Variants in AUTS2 observed in about 807,000 individuals in gnomAD.
AUTS2 encodes autism susceptibility gene 2 protein.
Under a neutral mutation model 112.4 loss-of-function variants are expected in AUTS2, and 17 were observed. That is an observed-to-expected ratio of 0.15 (90% CI 0.10 to 0.23). The LOEUF (loss-of-function observed/expected upper bound fraction) is 0.23. AUTS2 is among the 10% of genes least tolerant of loss of function. The pLI, the probability that AUTS2 is intolerant of heterozygous loss-of-function variation, is 1.00. For missense variants in AUTS2, 1,510 were observed against 1,701.6 expected, an observed-to-expected ratio of 0.89 and a Z score of 1.98; for synonymous variants, 751 against 702.7, an observed-to-expected ratio of 1.07 and a Z score of -1.09.
intron 1 of AUTS2, among the ~76,000 whole-genome samples, chr7:69,809,448 G>A (rs1043848198): frequency 1.3e-5 from 2 of 152,142 alleles, no homozygotes; most frequent in Non-Finnish European, 2.9e-5. Context: ...TGCCTACAAG[G>A]AATGCAATTG....
chr7:70,187,420 G>C (rs1809661114), intron 4 of AUTS2, among the ~76,000 whole-genome samples: 1 of 152,034 alleles, frequency 6.6e-6, no homozygotes, highest in Non-Finnish European at 1.5e-5. Context: ...CATTCATGCT[G>C]GCCTCTGGGT....
chr7:69,875,245 G>T (rs1373277893), intron 1 of AUTS2, among the ~76,000 whole-genome samples: 2 of 152,040 alleles, frequency 1.3e-5, no homozygotes, highest in Admixed American at 1.3e-4. Context: ...TTAAATACTG[G>T]ATGCTCAGTC....
chr7:69,933,401 T>A (rs1796294024), intron 2 of AUTS2, among the ~76,000 whole-genome samples: 1 of 152,184 alleles, frequency 6.6e-6, no homozygotes, highest in Admixed American at 6.5e-5. Flanking sequence ...ACAAAGTAAG[T>A]TTTGGAACCT....
chr7:69,738,710 A>G (rs1012043384), intron 1 of AUTS2, among the ~76,000 whole-genome samples: 1 of 152,104 alleles, frequency 6.6e-6, no homozygotes, highest in African/African-American at 2.4e-5. Context: ...ATACATGCTT[A>G]TTGGTTTGTG....
intron 4 of AUTS2, among the ~76,000 whole-genome samples, chr7:70,375,840 C>T (rs764964523): frequency 5.3e-5 from 8 of 151,994 alleles, no homozygotes; most frequent in African/African-American, 1.9e-4. Context: ...GTCTTTCTGC[C>T]AAGCTTCTAC....
intron 4 of AUTS2, among the ~76,000 whole-genome samples, chr7:70,307,172 C>T (rs920544501): frequency 2.6e-5 from 4 of 152,124 alleles, no homozygotes; most frequent in African/African-American, 9.7e-5. Context: ...ATGTACTTTA[C>T]GAATAAAATT....
chr7:69,986,181 C>T (rs983719595), intron 2 of AUTS2, among the ~76,000 whole-genome samples: 5 of 152,192 alleles, frequency 3.3e-5, no homozygotes, highest in African/African-American at 1.2e-4. Context: ...TTTCTTCTGA[C>T]TTCTTTCATT....
At chr7:70,272,419 A>T (rs1404568013) in intron 4 of AUTS2, among the ~76,000 whole-genome samples, 1 of 152,210 alleles carries the variant, frequency 6.6e-6, no homozygotes, top group African/African-American at 2.4e-5. Flanking sequence ...AAACATTTAG[A>T]TGAAAATATC....
chr7:70,581,180 C>T lies in AUTS2; in HGVS notation c.691-117389C>T, dbSNP rs184873209. 2.0e-3 allele frequency among the ~76,000 whole-genome samples: 310 copies of T among 152,092 alleles called. 1 individual carries two copies. Among genetic ancestry groups the T allele is most frequent in the Middle Eastern group, 3.4e-3 (1 of 294 alleles). On this transcript the variant is annotated intron_variant, in intron 5 of 18. Coordinates refer to ENST00000342771, the MANE Select transcript of AUTS2 (RefSeq NM_015570.4). ...GGCAGATCACCTGAGGTCGGGAGTT[C>T]GAGACCAGCCTGACCAACGTGGTGA... is the stretch of plus-strand genomic sequence containing the variant.
At chr7:69,633,197 T>C (rs943646033) in intron 1 of AUTS2, among the ~76,000 whole-genome samples, 7 of 152,194 alleles carry the variant, frequency 4.6e-5, no homozygotes, top group African/African-American at 1.4e-4. Context: ...TATTTTTTTT[T>C]CTGTGTCTGG....
At chr7:70,098,706 CTTT>C (rs1248247686) in intron 2 of AUTS2, among the ~76,000 whole-genome samples, 2 of 142,644 alleles carry the variant, frequency 1.4e-5, no homozygotes, top group African/African-American at 5.1e-5. Flanking sequence ...TTTTTCTTTT[CTTT>C]TTTTTTTTTT....
intron 2 of AUTS2, among the ~76,000 whole-genome samples, chr7:70,080,673 A>T (rs1562670982): frequency 1.3e-5 from 2 of 152,186 alleles, no homozygotes. Context: ...ACTGTTTACA[A>T]TCCAAATGAG....
At chr7:70,492,447 C>T (rs922902073) in intron 5 of AUTS2, among the ~76,000 whole-genome samples, 18 of 152,154 alleles carry the variant, frequency 1.2e-4, no homozygotes, top group African/African-American at 4.1e-4. Flanking sequence ...TTAATTTAGT[C>T]ACATGATAGT....
chr7:70,497,732 C>T (rs553327540), intron 5 of AUTS2, among the ~76,000 whole-genome samples: 52 of 152,126 alleles, frequency 3.4e-4, no homozygotes, highest in Non-Finnish European at 5.7e-4. Context: ...TCTGGACCCT[C>T]GGTTTTCGCT....
chr7:69,679,035 G>A (rs545133940), intron 1 of AUTS2, among the ~76,000 whole-genome samples: 1 of 152,194 alleles, frequency 6.6e-6, no homozygotes, highest in Non-Finnish European at 1.5e-5. Context: ...CCATGCTGTC[G>A]CCATAGTGAA....
intron 1 of AUTS2, among the ~76,000 whole-genome samples, chr7:69,888,036 T>G (rs1356477532): frequency 1.3e-5 from 2 of 152,124 alleles, no homozygotes; most frequent in Non-Finnish European, 2.9e-5. Context: ...TGAGGCTAGG[T>G]GCAGTGGCTC....
chr7:70,557,380 C>T (rs1040597963), intron 5 of AUTS2, among the ~76,000 whole-genome samples: 1 of 152,230 alleles, frequency 6.6e-6, no homozygotes, highest in Non-Finnish European at 1.5e-5. Context: ...GCTCCCAGCC[C>T]TTGGCTGGCA....
At chr7:69,934,608 C>G (rs769704024) in intron 2 of AUTS2, among the ~76,000 whole-genome samples, 1 of 152,282 alleles carries the variant, frequency 6.6e-6, no homozygotes, top group South Asian at 2.1e-4. Context: ...TACCCCTCCC[C>G]TCAGCAGACC....
chr7:69,919,375 C>T (rs1340854414), intron 2 of AUTS2, among the ~76,000 whole-genome samples: 1 of 152,166 alleles, frequency 6.6e-6, no homozygotes, highest in Non-Finnish European at 1.5e-5. Flanking sequence ...TACATGTTGG[C>T]AGACTGAAGA....
Sources: allele counts gnomAD v4.1 joint callset (sites outside exome capture counted in the v4.1 genomes callset), GRCh38; gene constraint gnomAD v4.1.1; transcripts MANE v1.5; gene names NCBI Gene and HGNC (gene_info 2026-07-23, HGNC 2026-07-21).